Variants in THEMIS observed in about 807,000 individuals in gnomAD.
The protein encoded by THEMIS is protein THEMIS.
A neutral mutation model predicts 52.6 loss-of-function variants in THEMIS; 37 were observed. The ratio of observed to expected loss-of-function variants is 0.70; its 90% confidence interval spans 0.54 to 0.93. THEMIS has a LOEUF of 0.93. Among genes scored for constraint, THEMIS ranks in the 40% least tolerant of loss-of-function variants. THEMIS has a pLI of 0.00. For missense variants in THEMIS, 808 were observed against 763.1 expected (o/e 1.06, Z -0.69); for synonymous variants, 292 against 272.7 (o/e 1.07, Z -0.70).
chr6:127,724,407 C>G (rs1774468023), intron 4 of THEMIS, among the ~76,000 whole-genome samples: 1 of 152,068 alleles, frequency 6.6e-6, no homozygotes, highest in African/African-American at 2.4e-5. Flanking sequence ...AGAATGTGGC[C>G]TGACAACAAC....
At chr6:127,824,828 G>A (rs1778452747) in intron 3 of THEMIS, among the ~76,000 whole-genome samples, 1 of 152,136 alleles carries the variant, frequency 6.6e-6, no homozygotes, top group Non-Finnish European at 1.5e-5. Context: ...GACAGGCTGA[G>A]GCAGGAGAAT....
intron 1 of THEMIS, among the ~76,000 whole-genome samples, chr6:127,914,463 A>G (rs1030216127): frequency 6.6e-6 from 1 of 152,174 alleles, no homozygotes; most frequent in Non-Finnish European, 1.5e-5. Context: ...TGCGTTAATC[A>G]TAGAGTGTGC....
chr6:127,737,837 C>G (rs376771420), intron 4 of THEMIS, among the ~76,000 whole-genome samples: 5 of 152,250 alleles, frequency 3.3e-5, no homozygotes, highest in Admixed American at 2.0e-4. Context: ...CAAATTCATA[C>G]CCCTGACATG....
intron 4 of THEMIS, among the ~76,000 whole-genome samples, chr6:127,807,781 A>G (rs1025601492): frequency 1.3e-5 from 2 of 152,364 alleles, no homozygotes; most frequent in Non-Finnish European, 2.9e-5. Context: ...TATTGATAAC[A>G]AACAAGTGGG....
chr6:127,730,288 A>AAAG (rs1339809272), intron 4 of THEMIS, among the ~76,000 whole-genome samples: 1 of 140,460 alleles, frequency 7.1e-6, no homozygotes, highest in Non-Finnish European at 1.5e-5. Context: ...AAAGAAAAGA[A>AAAG]AAGAAAAGAA....
chr6:127,790,762 A>T (rs984604288), intron 4 of THEMIS, among the ~76,000 whole-genome samples: 1 of 152,178 alleles, frequency 6.6e-6, no homozygotes, highest in Admixed American at 6.5e-5. Context: ...CAGAGCGGTG[A>T]GGATTGTGTG....
intron 1 of THEMIS, among the ~76,000 whole-genome samples, chr6:127,876,152 C>G (rs933824099): frequency 6.6e-6 from 1 of 152,136 alleles, no homozygotes; most frequent in Non-Finnish European, 1.5e-5. Context: ...TCAGTTGTCA[C>G]AGAGTGGCAA....
intron 1 of THEMIS, among the ~76,000 whole-genome samples, chr6:127,899,084 T>A (rs946619126): frequency 6.6e-6 from 1 of 151,756 alleles, no homozygotes; most frequent in Non-Finnish European, 1.5e-5. Context: ...TAAAAATAAT[T>A]TACTGTATAT....
intron 1 of THEMIS, among the ~76,000 whole-genome samples, chr6:127,856,554 G>A (rs980041045): frequency 3.2e-4 from 48 of 152,076 alleles, no homozygotes; most frequent in African/African-American, 1.1e-3. Context: ...CCCAGGCAGA[G>A]TGGGTATGAA....
At chr6:127,837,360 A>G (rs905065061) in intron 2 of THEMIS, among the ~76,000 whole-genome samples, 5 of 152,194 alleles carry the variant, frequency 3.3e-5, no homozygotes, top group Admixed American at 2.6e-4. Flanking sequence ...TTAAAAGATA[A>G]TAATAATGAG....
At chr6:127,802,276 TAGATTTATGAGGGC>T (rs765113403) in intron 4 of THEMIS, among the ~76,000 whole-genome samples, 1 of 152,084 alleles carries the variant, frequency 6.6e-6, no homozygotes, top group Non-Finnish European at 1.5e-5. Context: ...CCTTGCAAAA[TAGATTTATGAGGGC>T]AGCACCTGCA....
intron 1 of THEMIS, among the ~76,000 whole-genome samples, chr6:127,909,607 T>C (rs1781361012): frequency 6.6e-6 from 1 of 152,154 alleles, no homozygotes; most frequent in South Asian, 2.1e-4. Context: ...GGTATCCTTA[T>C]AGCAGCATGA....
At chr6:127,899,994 A>G (rs1781090059) in intron 1 of THEMIS, among the ~76,000 whole-genome samples, 1 of 150,484 alleles carries the variant, frequency 6.6e-6, no homozygotes, top group Admixed American at 6.7e-5. Flanking sequence ...GTAATACATT[A>G]TTTTGTCTAC....
chr6:127,779,435 T>A (rs1270242336), intron 4 of THEMIS, among the ~76,000 whole-genome samples: 1 of 152,174 alleles, frequency 6.6e-6, no homozygotes, highest in East Asian at 1.9e-4. Flanking sequence ...GAAGAGATAG[T>A]TAGATTAACA....
chr6:127,781,287 T>A (rs1378485099), intron 4 of THEMIS, among the ~76,000 whole-genome samples: 4 of 151,980 alleles, frequency 2.6e-5, no homozygotes, highest in Non-Finnish European at 4.4e-5. Flanking sequence ...AGTTAGCAAT[T>A]CATCTAACCT....
At chr6:127,831,405 C>A (rs905870116) in intron 2 of THEMIS, among the ~76,000 whole-genome samples, 1 of 151,992 alleles carries the variant, frequency 6.6e-6, no homozygotes, top group Non-Finnish European at 1.5e-5. Flanking sequence ...GCTTTCTTAA[C>A]CCAAAAGTAA....
chr6:127,840,381 G>A (rs981345810), intron 2 of THEMIS, among the ~76,000 whole-genome samples: 1 of 152,052 alleles, frequency 6.6e-6, no homozygotes, highest in African/African-American at 2.4e-5. Flanking sequence ...CAAGTCCTCA[G>A]AATAAGATTT....
intron 1 of THEMIS, among the ~76,000 whole-genome samples, chr6:127,858,920 A>G (rs911336500): frequency 6.6e-6 from 1 of 152,090 alleles, no homozygotes; most frequent in African/African-American, 2.4e-5. Context: ...TGCCTTTGAA[A>G]TCACCTTTTC....
At chr6:127,702,882 C>G in the THEMIS span, among the ~76,000 whole-genome samples, 7 of 151,916 alleles carry the variant, frequency 4.6e-5, no homozygotes, top group Non-Finnish European at 8.8e-5. Flanking sequence ...CTCACGAGAA[C>G]AGCATGGGAA....
Sources: allele counts gnomAD v4.1 joint callset (sites outside exome capture counted in the v4.1 genomes callset), GRCh38; gene constraint gnomAD v4.1.1; transcripts MANE v1.5; gene names NCBI Gene and HGNC (gene_info 2026-07-23, HGNC 2026-07-21).